ECE1: variants seen among roughly 807,000 people sequenced by gnomAD.
ECE1 encodes the protein endothelin converting enzyme 1, also known as endothelin-converting enzyme 1.
A neutral mutation model predicts 98.6 loss-of-function variants in ECE1; 35 were observed. That is an observed-to-expected ratio of 0.35 (90% CI 0.27 to 0.47). The LOEUF (loss-of-function observed/expected upper bound fraction) is 0.47, where lower values mean the gene tolerates loss of function less well. Among genes scored for constraint, ECE1 ranks in the 20% least tolerant of loss-of-function variants. The probability of loss-of-function intolerance (pLI) is 1.00; values close to 1 mark genes in which losing one functional copy is unlikely to be tolerated. For missense variants in ECE1, 814 were observed against 1,025.3 expected (o/e 0.79, Z 2.81); for synonymous variants, 394 against 407.1 (o/e 0.97, Z 0.39).
At chr1:21,253,696 G>C (rs1415586910) in intron 8 of ECE1, among the ~76,000 whole-genome samples, 1 of 149,864 alleles carries the variant, frequency 6.7e-6, no homozygotes, top group South Asian at 2.1e-4. Flanking sequence ...CCAGGAGGTG[G>C]AGCTTGCAGA....
upstream of ECE1, among the ~76,000 whole-genome samples, chr1:21,292,613 G>A (rs183897295): frequency 8.1e-4 from 123 of 152,272 alleles, no homozygotes; most frequent in Admixed American, 2.6e-3. Context: ...CTTTACTGGG[G>A]CTGGGACCTT....
At chr1:21,298,581 C>T (rs541488042) in intron 1 of ECE1, 61 of 373,182 alleles carry the variant, frequency 1.6e-4, no homozygotes, top group Middle Eastern at 6.2e-4. Flanking sequence ...AGAAGCAGCA[C>T]ATGGGAGGGA....
chr1:21,261,621 G>A (rs2098226966), intron 4 of ECE1, among the ~76,000 whole-genome samples: 1 of 152,158 alleles, frequency 6.6e-6, no homozygotes, highest in Non-Finnish European at 1.5e-5. Flanking sequence ...GGGACAGAAA[G>A]CGGGTCTTAT....
At position 21,235,591 on chromosome 1, in the gene ECE1, C is replaced by T. The variant is rs1165106746; in HGVS notation, c.1566+259G>A. ...GACCACTTCCAGGGGGCACACAGCA[C>T]GGGTTCTGTACTGACTGGTGGGCAC... On this transcript the variant is annotated intron_variant, in intron 13 of 18. Coordinates refer to ENST00000374893, the MANE Select transcript of ECE1 (RefSeq NM_001397.3). This position sits in a 1 kb window ranked among gnomAD's most constrained non-coding sequence, Gnocchi z 4.2. Among the ~76,000 whole-genome samples, 3 of 152,194 alleles carry T rather than the reference C, an allele frequency of 2.0e-5. No homozygotes were observed. Among genetic ancestry groups the T allele is most frequent in the Non-Finnish European group, 2.9e-5 (2 of 68,024 alleles).
chr1:21,245,141 T>G, intron 9 of ECE1, 38 bp from the exon 10 acceptor site: 2 of 1,579,956 alleles, frequency 1.3e-6, no homozygotes, highest in Non-Finnish European at 1.7e-6. Flanking sequence ...CAGGGACACC[T>G]AGGCAGGGAG....
Position 21,235,748 on chromosome 1 carries a change from C to T in ECE1, c.1566+102G>A. On this transcript the variant is annotated intron_variant, in intron 13 of 18. Transcript: ENST00000374893. This position sits in a 1 kb window ranked among gnomAD's most constrained non-coding sequence, Gnocchi z 4.2. ...ACCACATCATCCCTGTGTGTTTTGA[C>T]AACCATGCTGCCTCTAGCACCCCAT... 3.3e-6 allele frequency: 4 copies of T among 1,217,548 alleles called. No individual in the cohort carries two copies. The highest frequency in any genetic ancestry group is 1.5e-5 in the African/African-American group (1 of 67,232). 75.4% of individuals were successfully genotyped at this position (1,217,548 alleles called of 1,614,324 possible). A position where few individuals can be genotyped will look rare whatever the true frequency, so the allele number is the denominator to read the frequency against.
At chr1:21,333,763 G>A (rs924897003) in intron 1 of ECE1, among the ~76,000 whole-genome samples, 8 of 152,168 alleles carry the variant, frequency 5.3e-5, no homozygotes, top group African/African-American at 1.9e-4. Context: ...AAACCCAGGA[G>A]GTGGAGGTTG....
At chr1:21,305,299 C>T (rs1341039242) in intron 1 of ECE1, among the ~76,000 whole-genome samples, 1 of 152,190 alleles carries the variant, frequency 6.6e-6, no homozygotes, top group Non-Finnish European at 1.5e-5. Flanking sequence ...CTGGGCAAGG[C>T]AGGCACCATG....
At chr1:21,275,691 G>A (rs767741628) in intron 3 of ECE1, among the ~76,000 whole-genome samples, 1 of 152,204 alleles carries the variant, frequency 6.6e-6, no homozygotes, top group African/African-American at 2.4e-5. Flanking sequence ...TGCTTAAGGA[G>A]CAATGGCTTG....
chr1:21,315,278 G>A (rs1345500101), intron 1 of ECE1, among the ~76,000 whole-genome samples: 1 of 152,196 alleles, frequency 6.6e-6, no homozygotes, highest in East Asian at 1.9e-4. Context: ...GGTTGGTTCA[G>A]GCTGCCACCT....
chr1:21,330,671 C>G (rs530573030), intron 1 of ECE1, among the ~76,000 whole-genome samples: 1 of 152,278 alleles, frequency 6.6e-6, no homozygotes, highest in South Asian at 2.1e-4. Flanking sequence ...GTTTGAATGC[C>G]AACTTTTTCA....
chr1:21,341,874 G>A (rs1240508638), intron 1 of ECE1, among the ~76,000 whole-genome samples: 2 of 151,874 alleles, frequency 1.3e-5, no homozygotes, highest in African/African-American at 4.8e-5. Flanking sequence ...CCGGCCTCAA[G>A]TGATCCTCTC....
At chr1:21,292,590 C>G (rs1638228337), upstream of ECE1, among the ~76,000 whole-genome samples, 1 of 152,204 alleles carries the variant, frequency 6.6e-6, no homozygotes, top group African/African-American at 2.4e-5. Context: ...CTGTCCCTCT[C>G]CAGAATCCAC....
In ECE1 at chr1:21,247,291, C is replaced by T. The variant is rs774332009; in HGVS notation, c.1093G>A (p.Glu365Lys). Residue 365 changes from glutamate (E) to lysine (K), a missense_variant, in exon 9 of 19, where the codon GAG becomes AAG. Coordinates refer to ENST00000374893, the MANE Select transcript of ECE1 (RefSeq NM_001397.3). ...TCCTTGTCATAGACCACAATAGGCT[C>T]GGATTCATTGATCTCCACGGGGTAG... ...IFYPVEINES[E>K]PIVVYDKEYL... 3 of 1,614,052 alleles carry T rather than the reference C, an allele frequency of 1.9e-6. No homozygotes were observed. Among genetic ancestry groups the T allele is most frequent in the African/African-American group, 1.3e-5 (1 of 74,916 alleles).
chr1:21,327,193 C>T lies in ECE1; in HGVS notation c.3+18183G>A, dbSNP rs3026821. The stretch of plus-strand genomic sequence containing the variant: ...CAGGAGACTGGGAAGAGGGACTCTG[C>T]CAGAGCAGCTGCCAGGAATCTGGGG... On this transcript the variant is annotated intron_variant, in intron 1 of 18. Transcript: ENST00000415912. The surrounding 1 kb of genome is among the most constrained non-coding windows in gnomAD (Gnocchi z 4.6). 0.035 allele frequency among the ~76,000 whole-genome samples: 5,257 copies of T among 152,292 alleles called. 141 individuals are homozygous for T. The highest frequency in any genetic ancestry group is 0.051 in the Non-Finnish European group (3,453 of 68,012).
In ECE1 at chr1:21,228,000, G is replaced by A. The variant is rs1281432251; in HGVS notation, c.1712C>T (p.Pro571Leu). Residue 571 changes from proline to leucine, a missense_variant, in exon 15 of 19, where the codon CCC (proline) becomes CTC (leucine). Coordinates refer to ENST00000374893, the MANE Select transcript of ECE1 (RefSeq NM_001397.3). ...CGGAAACACAATCTCATTCTTGGTG[G>A]GCGAGTAGTAGGCGTTCACCATGGG... ...TPPMVNAYYS[P>L]TKNEIVFPAG... is the part of the protein sequence containing the mutation. The A allele has an allele frequency of 1.3e-6, 2 of 1,565,530 alleles. No homozygotes were observed. The highest frequency in any genetic ancestry group is 2.4e-5 in the South Asian group (2 of 85,068).
chr1:21,310,298 G>T (rs537515982), intron 1 of ECE1, among the ~76,000 whole-genome samples: 2 of 152,164 alleles, frequency 1.3e-5, no homozygotes, highest in Non-Finnish European at 2.9e-5. Context: ...CACACCCAGA[G>T]AATTCGGCCA....
intron 1 of ECE1, among the ~76,000 whole-genome samples, chr1:21,321,206 G>A (rs1638956588): frequency 6.6e-6 from 1 of 152,154 alleles, no homozygotes; most frequent in Non-Finnish European, 1.5e-5. Flanking sequence ...CCACAATCTT[G>A]CTGCTCCCCA....
At chr1:21,272,677 G>C (rs762346612) in intron 4 of ECE1, 22 bp downstream of exon 4, 12 of 1,613,780 alleles carry the variant, frequency 7.4e-6, no homozygotes, top group African/African-American at 1.3e-5. Flanking sequence ...CCCATTTATT[G>C]GTCTCCATGC....
Sources: allele counts gnomAD v4.1 joint callset (sites outside exome capture counted in the v4.1 genomes callset), GRCh38; gene constraint gnomAD v4.1.1; non-coding constraint Gnocchi (gnomAD v3.1); transcripts MANE v1.5; gene names NCBI Gene and HGNC (gene_info 2026-07-23, HGNC 2026-07-21).